GNG12: variants seen among roughly 807,000 people sequenced by gnomAD.
GNG12 encodes the protein G protein subunit gamma 12.
For synonymous variants in GNG12, 28 were observed against 29.7 expected, an observed-to-expected ratio of 0.94 and a Z score of 0.19; for missense variants, 69 against 83.8, an observed-to-expected ratio of 0.82 and a Z score of 0.69.
At chr1:67,812,492 A>C (rs945788489) in intron 1 of GNG12, among the ~76,000 whole-genome samples, 1 of 152,210 alleles carries the variant, frequency 6.6e-6, no homozygotes, top group Non-Finnish European at 1.5e-5. Context: ...AGAGGCCTCA[A>C]TGAGCCATCT....
At chr1:67,763,384 G>A (rs1254833239) in intron 2 of GNG12, among the ~76,000 whole-genome samples, 1 of 152,136 alleles carries the variant, frequency 6.6e-6, no homozygotes, top group Non-Finnish European at 1.5e-5. Context: ...TCCTGAGTAT[G>A]TCTTGGTTTT....
intron 1 of GNG12, chr1:67,832,199 A>C (rs1408479246): frequency 2.6e-5 from 4 of 152,152 alleles, no homozygotes; most frequent in Non-Finnish European, 4.4e-5. Flanking sequence ...GGTCTAATAA[A>C]TTCCCGTTTG....
intron 2 of GNG12, among the ~76,000 whole-genome samples, chr1:67,763,443 C>T (rs554172056): frequency 6.6e-6 from 1 of 151,874 alleles, no homozygotes; most frequent in East Asian, 1.9e-4. Context: ...TGTGGAATGT[C>T]CCTCAATTTG....
rs186805375 is a variant in GNG12 at position 67,811,933 on chromosome 1, A to C, written c.-77+21411T>G. On this transcript the variant is annotated intron_variant, in intron 1 of 3. Transcript: ENST00000370982. The stretch of plus-strand genomic sequence containing the variant: ...TGTTTACGGAAGAACATGCAGTGCC[A>C]AGTATTCAAATGAAACTTACATAGG... Among the ~76,000 whole-genome samples, 10 of 152,326 alleles carry C rather than the reference A, an allele frequency of 6.6e-5. No individual in the cohort carries two copies. The South Asian group carries it at 1.0e-3, about 16-fold the overall frequency.
chr1:67,705,442 T>C lies in GNG12; in HGVS notation c.*9A>G, dbSNP rs111445182. ...TTGGGAAGAGGCGAGGAGCTGTTTC[T>C]CTATTCCACTATAAGATGATGCAAG... is the stretch of plus-strand genomic sequence containing the variant. On this transcript the variant is annotated 3_prime_UTR_variant, in exon 4 of 4. Transcript: ENST00000370982. 1.9e-6 allele frequency: 3 copies of C among 1,613,278 alleles called. No homozygotes were observed. The highest frequency in any genetic ancestry group is 2.5e-6 in the Non-Finnish European group (3 of 1,179,736).
At chr1:67,771,715 A>G (rs912199296) in intron 2 of GNG12, among the ~76,000 whole-genome samples, 28 of 152,206 alleles carry the variant, frequency 1.8e-4, no homozygotes, top group African/African-American at 6.0e-4. Flanking sequence ...AAAACTCAGA[A>G]TTTGTATCCA....
chr1:67,787,035 A>ATGTGTG (rs1553158942), intron 1 of GNG12, among the ~76,000 whole-genome samples: 72 of 36,050 alleles, frequency 2.0e-3, no homozygotes, highest in East Asian at 5.1e-3. Context: ...GTATGTGTAT[A>ATGTGTG]AGTGTGTGTG....
chr1:67,780,575 T>C lies in GNG12; in HGVS notation c.-76-3068A>G, dbSNP rs541284174. The stretch of plus-strand genomic sequence containing the variant: ...AGTAAAGACACACACAGGAAAACAC[T>C]GGAATAGCATTGAAAGGATAGGAGC... On this transcript the variant is annotated intron_variant, in intron 1 of 3. Coordinates refer to ENST00000370982, the MANE Select transcript of GNG12 (RefSeq NM_018841.6). Among the ~76,000 whole-genome samples the C allele has an allele frequency of 2.2e-4, 33 of 152,316 alleles. 1 individual carries two copies. The South Asian group carries it at 6.6e-3, about 31-fold the overall frequency.
At chr1:67,707,197 A>T (rs1374243713) in intron 3 of GNG12, among the ~76,000 whole-genome samples, 1 of 152,238 alleles carries the variant, frequency 6.6e-6, no homozygotes, top group Non-Finnish European at 1.5e-5. Context: ...TAGACTGCTG[A>T]CTTCTTACGT....
chr1:67,749,080 C>T (rs930858085), intron 2 of GNG12, among the ~76,000 whole-genome samples: 5 of 152,286 alleles, frequency 3.3e-5, no homozygotes, highest in Admixed American at 3.3e-4. Flanking sequence ...CCCTCCATTT[C>T]TTCCTGAATA....
At chr1:67,775,947 G>A (rs1484845055) in intron 2 of GNG12, among the ~76,000 whole-genome samples, 1 of 152,200 alleles carries the variant, frequency 6.6e-6, no homozygotes, top group Admixed American at 6.5e-5. Context: ...AAAGGGAATA[G>A]CAGGACTTGA....
At chr1:67,758,163 G>C (rs555711861) in intron 2 of GNG12, among the ~76,000 whole-genome samples, 78 of 152,188 alleles carry the variant, frequency 5.1e-4, no homozygotes, top group Admixed American at 2.9e-3. Context: ...TAGTAAAGAT[G>C]GGGTTTCACC....
At chr1:67,783,849 C>T (rs1396252883) in intron 1 of GNG12, among the ~76,000 whole-genome samples, 2 of 151,102 alleles carry the variant, frequency 1.3e-5, no homozygotes, top group Non-Finnish European at 3.0e-5. Context: ...GAAACAGGAA[C>T]ACTTTTACAC....
intron 1 of GNG12, among the ~76,000 whole-genome samples, chr1:67,821,969 C>A (rs553974383): frequency 6.6e-6 from 1 of 151,802 alleles, no homozygotes; most frequent in Non-Finnish European, 1.5e-5. Flanking sequence ...AGCTCTAAAC[C>A]AGGGGTGTCC....
At chr1:67,792,667 C>T (rs1252946407) in intron 1 of GNG12, among the ~76,000 whole-genome samples, 1 of 152,120 alleles carries the variant, frequency 6.6e-6, no homozygotes, top group Non-Finnish European at 1.5e-5. Flanking sequence ...GTTTTTCTCC[C>T]CTCCAGTTGT....
chr1:67,766,131 CACACACACACACACACA>C (rs1646636989), intron 2 of GNG12, among the ~76,000 whole-genome samples: 1 of 151,388 alleles, frequency 6.6e-6, no homozygotes, highest in African/African-American at 2.4e-5. Context: ...CACACACACA[CACACACACACACACACA>C]CCCCTAAACA....
chr1:67,750,468 G>C (rs1445308245), intron 2 of GNG12, among the ~76,000 whole-genome samples: 1 of 152,050 alleles, frequency 6.6e-6, no homozygotes, highest in East Asian at 1.9e-4. Flanking sequence ...GCTTTTTGAG[G>C]GCAGAAACAC....
chr1:67,801,933 G>A (rs2100797605), intron 1 of GNG12, among the ~76,000 whole-genome samples: 1 of 83,116 alleles, frequency 1.2e-5, no homozygotes, highest in African/African-American at 3.2e-5. Context: ...GGAAGGGAAG[G>A]GGGAAGGAAA....
intron 1 of GNG12, among the ~76,000 whole-genome samples, chr1:67,812,136 T>C (rs984098905): frequency 7.2e-5 from 11 of 152,208 alleles, no homozygotes; most frequent in Non-Finnish European, 1.3e-4. Flanking sequence ...ATCAGTCATC[T>C]TTCATTAGTA....
Sources: gnomAD v4.1 joint callset for allele counts (sites outside exome capture counted in the v4.1 genomes callset) on GRCh38, gnomAD v4.1.1 for gene constraint, MANE v1.5 for transcripts, NCBI Gene and HGNC (gene_info 2026-07-23, HGNC 2026-07-21) for gene names.